Variants in PRDM12 observed in about 807,000 individuals in gnomAD.
The protein encoded by PRDM12 is PR domain zinc finger protein 12.
A neutral mutation model predicts 29.6 loss-of-function variants in PRDM12; 17 were observed. That is an observed-to-expected ratio of 0.57 (90% CI 0.39 to 0.86). The LOEUF (loss-of-function observed/expected upper bound fraction) is 0.86, where lower values mean the gene tolerates loss of function less well. Among genes scored for constraint, PRDM12 ranks in the 40% least tolerant of loss-of-function variants. The probability of loss-of-function intolerance (pLI) is 0.00; values close to 1 mark genes in which losing one functional copy is unlikely to be tolerated. For synonymous variants in PRDM12, 231 were observed against 225.8 expected (o/e 1.02, Z -0.21); for missense variants, 422 against 510.8 (o/e 0.83, Z 1.68).
intron 4 of PRDM12, among the ~76,000 whole-genome samples, chr9:130,679,279 TG>T (rs1392533787): frequency 6.6e-6 from 1 of 152,004 alleles, no homozygotes; most frequent in African/African-American, 2.4e-5. Flanking sequence ...ATCATCCCAC[TG>T]GGTATTCATA....
chr9:130,679,317 T>TCTTA (rs1830871919), intron 4 of PRDM12, among the ~76,000 whole-genome samples: 1 of 149,580 alleles, frequency 6.7e-6, no homozygotes, highest in African/African-American at 2.5e-5. Flanking sequence ...TTTTTCTTTT[T>TCTTA]CTTTCTTTCT....
intron 3 of PRDM12, among the ~76,000 whole-genome samples, chr9:130,677,740 C>T (rs1241052995): frequency 2.6e-5 from 4 of 152,176 alleles, no homozygotes; most frequent in Non-Finnish European, 5.9e-5. Context: ...TGATCAGTGC[C>T]ACCCCAGAAG....
Position 130,682,711 on chromosome 9 carries a change from T to C in PRDM12, c.*1042T>C, listed in dbSNP as rs1830917760. ...TCAAATTCGGGCCGTGCGCGCCCTCTGGTGTCGCCTCTCACACTTTGCAGT... is the reference window on the plus strand; with the variant it reads ...TCAAATTCGGGCCGTGCGCGCCCTCCGGTGTCGCCTCTCACACTTTGCAGT... On this transcript the variant is annotated 3_prime_UTR_variant, in exon 5 of 5. Transcript: ENST00000253008. This position sits in a 1 kb window ranked among gnomAD's most constrained non-coding sequence, Gnocchi z 4.2. 1 of 152,466 alleles carries C rather than the reference T, an allele frequency of 6.6e-6. No homozygotes were observed. The highest frequency in any genetic ancestry group is 1.5e-5 in the Non-Finnish European group (1 of 68,022). The allele number at this position is 152,466 out of a possible 1,614,324, so 9.4% of individuals were successfully genotyped here.
intron 3 of PRDM12, among the ~76,000 whole-genome samples, chr9:130,671,556 A>T (rs940325135): frequency 2.0e-5 from 3 of 152,322 alleles, no homozygotes; most frequent in Admixed American, 2.0e-4. Flanking sequence ...TTTAAAGTGG[A>T]TACATTTTTT....
At chr9:130,674,010 C>CTTTTTTTTTTTTTTTTTTTT (rs35863613) in intron 3 of PRDM12, among the ~76,000 whole-genome samples, 1 of 71,848 alleles carries the variant, frequency 1.4e-5, no homozygotes, top group Non-Finnish European at 2.4e-5. Context: ...TTCTTTCTTT[C>CTTTTTTTTTTTTTTTTTTTT]TTTTTTTTTT....
chr9:130,671,703 C>A (rs1830790837), intron 3 of PRDM12, among the ~76,000 whole-genome samples: 1 of 152,196 alleles, frequency 6.6e-6, no homozygotes, highest in Non-Finnish European at 1.5e-5. Flanking sequence ...CTGGGCTAGA[C>A]TGGAAGATAC....
intron 3 of PRDM12, among the ~76,000 whole-genome samples, chr9:130,674,529 TGTG>T (rs1383642099): frequency 6.6e-6 from 1 of 150,756 alleles, no homozygotes; most frequent in Non-Finnish European, 1.5e-5. Flanking sequence ...TGTGTGTGTG[TGTG>T]TATAGAAGTA....
At chr9:130,667,133 C>A (rs1830741378) in intron 2 of PRDM12, among the ~76,000 whole-genome samples, 1 of 152,242 alleles carries the variant, frequency 6.6e-6, no homozygotes, top group Non-Finnish European at 1.5e-5. Flanking sequence ...TCCCTCCAGG[C>A]CTCTTCCCAG....
At chr9:130,674,594 A>G (rs1830820038) in intron 3 of PRDM12, among the ~76,000 whole-genome samples, 1 of 151,592 alleles carries the variant, frequency 6.6e-6, no homozygotes, top group Non-Finnish European at 1.5e-5. Flanking sequence ...AGATGGCATC[A>G]TGCTACTCTC....
Position 130,664,881 on chromosome 9 carries a change from G to A in PRDM12, c.223+5G>A. The A allele has an allele frequency of 6.6e-7, 1 of 1,523,568 alleles. No homozygotes were observed. The highest frequency in any genetic ancestry group is 1.2e-5 in the South Asian group (1 of 82,836). The allele number at this position is 1,523,568 out of a possible 1,614,324, so 94.4% of individuals were successfully genotyped here. ...TGGCGCAGTCCTTCTCCGGCGGTGA[G>A]TCCAGCCGTCGGAGCCCGGCGCAAT... is the stretch of plus-strand genomic sequence containing the variant. On this transcript the variant is annotated splice_donor_5th_base_variant and intron_variant, in intron 1 of 4. Transcript: ENST00000253008. The surrounding 1 kb of genome is among the most constrained non-coding windows in gnomAD (Gnocchi z 6.4).
At chr9:130,678,435 C>A in intron 3 of PRDM12, 94 bp from the exon 4 acceptor site, 1 of 859,326 alleles carries the variant, frequency 1.2e-6, no homozygotes, top group Non-Finnish European at 1.9e-6. Flanking sequence ...AGACTGGGTC[C>A]GGGTCTCCTG....
At chr9:130,678,475 C>T (rs1373825415) in intron 3 of PRDM12, 54 bp from the exon 4 acceptor site, 25 of 1,336,098 alleles carry the variant, frequency 1.9e-5, no homozygotes, top group Non-Finnish European at 2.4e-5. Context: ...AGACCCCCAA[C>T]TCTCACCTCC....
At position 130,665,095 on chromosome 9, in the gene PRDM12, C is replaced by G. The variant is rs531082582; in HGVS notation, c.223+219C>G. ...GCCCACCCGGCTCAAGGACCGACCC[C>G]GGCGACCCCGTCGCTCGGCCCCGAC... On this transcript the variant is annotated intron_variant, in intron 1 of 4. Coordinates refer to ENST00000253008, the MANE Select transcript of PRDM12 (RefSeq NM_021619.3). Among the ~76,000 whole-genome samples, 297 of 152,244 alleles carry G rather than the reference C, an allele frequency of 2.0e-3. 1 individual carries two copies. Among genetic ancestry groups the G allele is most frequent in the African/African-American group, 7.0e-3 (289 of 41,544 alleles).
rs143960255 is a variant in PRDM12 at position 130,666,684 on chromosome 9, C to T, written c.300C>T (p.Leu100=). Reference sequence around the variant, plus strand: ...AGAGCTCCATCCCTGGCGAGGGCCTCGGCATCTTCTCCAAGACGTGGATCA... The same window carrying T: ...AGAGCTCCATCCCTGGCGAGGGCCTTGGCATCTTCTCCAAGACGTGGATCA... ...IAQSSIPGEG[L]GIFSKTWIKA... is the part of the protein sequence containing the mutation. The change falls in exon 2 of 5, where the codon CTC becomes CTT. Residue 100 remains leucine (L), a synonymous_variant. Coordinates refer to ENST00000253008, the MANE Select transcript of PRDM12 (RefSeq NM_021619.3). 8.7e-6 allele frequency: 14 copies of T among 1,613,530 alleles called. No homozygotes were observed. The East Asian group carries it at 2.9e-4, about 33-fold the overall frequency.
At chr9:130,680,634 A>T (rs377411451) in intron 4 of PRDM12, among the ~76,000 whole-genome samples, 7,200 of 86,912 alleles carry the variant, frequency 0.083, 431 homozygotes, top group African/African-American at 0.1. Flanking sequence ...AAAAAAAAAA[A>T]ATATATATAT....
chr9:130,679,297 CTG>C (rs945954780), intron 4 of PRDM12, among the ~76,000 whole-genome samples: 13 of 150,228 alleles, frequency 8.7e-5, no homozygotes, highest in African/African-American at 3.2e-4. Context: ...CATAAAACCT[CTG>C]TGTATTTTTT....
At chr9:130,667,447 A>G (rs569407901) in intron 2 of PRDM12, among the ~76,000 whole-genome samples, 32 of 152,182 alleles carry the variant, frequency 2.1e-4, no homozygotes, top group African/African-American at 7.5e-4. Context: ...GCTTCTTCCT[A>G]ACTTTGCAGA....
intron 4 of PRDM12, among the ~76,000 whole-genome samples, chr9:130,679,240 C>A (rs1377511590): frequency 2.0e-5 from 3 of 152,150 alleles, no homozygotes; most frequent in Non-Finnish European, 4.4e-5. Context: ...CTATTTCTTG[C>A]CAAGAATTGG....
chr9:130,667,111 C>T (rs931311732), intron 2 of PRDM12, among the ~76,000 whole-genome samples: 1 of 152,250 alleles, frequency 6.6e-6, no homozygotes, highest in Admixed American at 6.5e-5. Flanking sequence ...TGCCCAGGGT[C>T]CCCACGCGCC....
Sources: gnomAD v4.1 joint callset for allele counts (sites outside exome capture counted in the v4.1 genomes callset) on GRCh38, gnomAD v4.1.1 for gene constraint, Gnocchi (gnomAD v3.1) non-coding constraint, MANE v1.5 for transcripts, NCBI Gene and HGNC (gene_info 2026-07-23, HGNC 2026-07-21) for gene names.